CREBL2: variants seen among roughly 807,000 people sequenced by gnomAD.
The protein encoded by CREBL2 is cAMP-responsive element-binding protein-like 2.
Under a neutral mutation model 19.5 loss-of-function variants are expected in CREBL2, and 4 were observed. The observed-to-expected ratio is 0.20, with a 90% CI of 0.10 to 0.47. The LOEUF is 0.47. Ranked by LOEUF, CREBL2 falls within the 20% of genes least tolerant of loss-of-function variation. The probability of loss-of-function intolerance (pLI) is 0.98; values close to 1 mark genes in which losing one functional copy is unlikely to be tolerated. For missense variants in CREBL2, 85 were observed against 145.1 expected (o/e 0.59, Z 2.13); for synonymous variants, 42 against 46.6 (o/e 0.90, Z 0.40).
intron 1 of CREBL2, among the ~76,000 whole-genome samples, chr12:12,631,768 A>G (rs1355748590): frequency 2.0e-5 from 3 of 152,208 alleles, no homozygotes; most frequent in Non-Finnish European, 4.4e-5. Flanking sequence ...GTACTAACCT[A>G]CATTTGTGTA....
chr12:12,631,211 C>G (rs1199647408), intron 1 of CREBL2, among the ~76,000 whole-genome samples: 1 of 152,188 alleles, frequency 6.6e-6, no homozygotes, highest in African/African-American at 2.4e-5. Context: ...GAAAGAAGCT[C>G]TCTGTGAAGG....
chr12:12,622,896 G>A (rs1945370968), intron 1 of CREBL2, among the ~76,000 whole-genome samples: 1 of 152,162 alleles, frequency 6.6e-6, no homozygotes, highest in Non-Finnish European at 1.5e-5. Flanking sequence ...AAGCCCTCCT[G>A]TTTTCCTTTT....
At chr12:12,635,244 C>T (rs1018320537) in intron 1 of CREBL2, among the ~76,000 whole-genome samples, 16 of 151,898 alleles carry the variant, frequency 1.1e-4, no homozygotes, top group African/African-American at 3.6e-4. Flanking sequence ...TGGCTCATGC[C>T]TATAGTTACA....
At chr12:12,641,253 A>ATTTTTTTTTTTTTTTTTTTTTTTTTT (rs142404101) in intron 3 of CREBL2, among the ~76,000 whole-genome samples, 3 of 78,258 alleles carry the variant, frequency 3.8e-5, no homozygotes, top group South Asian at 4.6e-4. Context: ...TATTATTATT[A>ATTTTTTTTTTTTTTTTTTTTTTTTTT]TTTTTTTTTA....
intron 1 of CREBL2, among the ~76,000 whole-genome samples, chr12:12,624,394 C>T (rs1269878632): frequency 6.6e-6 from 1 of 152,186 alleles, no homozygotes; most frequent in Non-Finnish European, 1.5e-5. Flanking sequence ...TTGTAACAAC[C>T]TGTGAGTAGT....
intron 1 of CREBL2, among the ~76,000 whole-genome samples, chr12:12,633,387 A>G (rs1397764742): frequency 1.3e-5 from 2 of 152,148 alleles, no homozygotes; most frequent in African/African-American, 2.4e-5. Flanking sequence ...GTGAGCTGAG[A>G]TCGCGCCATT....
At chr12:12,614,852 C>A in intron 1 of CREBL2, 1 of 281,626 alleles carries the variant, frequency 3.6e-6, no homozygotes, top group Non-Finnish European at 6.9e-6. Context: ...ATTTGTAGGG[C>A]ATTAGTTTTT....
At chr12:12,637,461 A>T in intron 2 of CREBL2, 109 bp from the exon 3 acceptor site, 1 of 642,516 alleles carries the variant, frequency 1.6e-6, no homozygotes, top group Non-Finnish European at 2.1e-6. Flanking sequence ...TAGCCATGGG[A>T]GTTCCTATGT....
chr12:12,624,326 T>A (rs1190006020), intron 1 of CREBL2, among the ~76,000 whole-genome samples: 3 of 152,146 alleles, frequency 2.0e-5, no homozygotes. Context: ...GCAAAATGAA[T>A]TGACTAGGGA....
intron 1 of CREBL2, 141 bp downstream of exon 1, chr12:12,612,328 C>A: frequency 1.4e-6 from 2 of 1,463,234 alleles, no homozygotes; most frequent in Non-Finnish European, 9.3e-7. Context: ...GTCCACTGCC[C>A]GATGGTACCC....
At chr12:12,634,120 G>T (rs139524655) in intron 1 of CREBL2, among the ~76,000 whole-genome samples, 1 of 152,062 alleles carries the variant, frequency 6.6e-6, no homozygotes, top group East Asian at 1.9e-4. Context: ...ATAAAAACAG[G>T]CTCCAATACT....
chr12:12,626,092 T>G (rs1012607902), intron 1 of CREBL2, among the ~76,000 whole-genome samples: 5 of 152,230 alleles, frequency 3.3e-5, no homozygotes, highest in African/African-American at 1.2e-4. Flanking sequence ...CGAATTTATG[T>G]TTTTATTCTG....
intron 1 of CREBL2, among the ~76,000 whole-genome samples, chr12:12,612,640 T>C (rs1945277331): frequency 1.3e-5 from 2 of 152,108 alleles, no homozygotes; most frequent in Non-Finnish European, 2.9e-5. Context: ...CTCTGAGCTA[T>C]TTCCTGTGGT....
rs1474516792 is a variant in CREBL2 at position 12,643,104 on chromosome 12, G to A, written c.*1106G>A. 1 of 152,640 alleles carries A rather than the reference G, an allele frequency of 6.6e-6. No individual in the cohort carries two copies. The highest frequency in any genetic ancestry group is 1.5e-5 in the Non-Finnish European group (1 of 68,052). 9.5% of individuals were successfully genotyped at this position (152,640 alleles called of 1,614,324 possible). A position where few individuals can be genotyped will look rare whatever the true frequency, so the allele number is the denominator to read the frequency against. ...AGGCTCTGAGCCAGAAACACACTGT[G>A]GGCGTGCATCTGGTTCAGCCCTGGA... On this transcript the variant is annotated 3_prime_UTR_variant, in exon 4 of 4. Coordinates refer to ENST00000228865, the MANE Select transcript of CREBL2 (RefSeq NM_001310.4).
intron 1 of CREBL2, among the ~76,000 whole-genome samples, chr12:12,632,905 A>T (rs976167692): frequency 1.0e-4 from 15 of 150,192 alleles, no homozygotes; most frequent in Non-Finnish European, 3.0e-5. Context: ...TTATATATAT[A>T]TATAAATTTT....
rs200274326 is a variant in CREBL2, at chr12:12,641,971, C to T, written c.359-23C>T. On this transcript the variant is annotated intron_variant, in intron 3 of 3. Coordinates refer to ENST00000228865, the MANE Select transcript of CREBL2 (RefSeq NM_001310.4). ...TTTATTGACTCTAAAAACATTCTTA[C>T]ATTGGTAACTTTTATTTTTCAGGGT... The T allele has an allele frequency of 9.1e-4, 1,386 of 1,521,730 alleles. 3 individuals are homozygous for T. Among genetic ancestry groups the T allele is most frequent in the South Asian group, 1.2e-3 (103 of 86,002 alleles). 94.3% of individuals were successfully genotyped at this position (1,521,730 alleles called of 1,614,324 possible).
At chr12:12,626,910 A>G (rs1212898353) in intron 1 of CREBL2, among the ~76,000 whole-genome samples, 1 of 151,950 alleles carries the variant, frequency 6.6e-6, no homozygotes, top group Non-Finnish European at 1.5e-5. Context: ...AGAAAAATAA[A>G]TAAACAAGCT....
At chr12:12,623,129 T>C (rs1198350843) in intron 1 of CREBL2, among the ~76,000 whole-genome samples, 5 of 151,706 alleles carry the variant, frequency 3.3e-5, no homozygotes, top group African/African-American at 9.7e-5. Flanking sequence ...TAACAACTTC[T>C]TTAAAGTTGT....
chr12:12,641,845 C>A, intron 3 of CREBL2, 149 bp from the exon 4 acceptor site: 4 of 444,798 alleles, frequency 9.0e-6, no homozygotes, highest in South Asian at 4.7e-5. Context: ...GGAAAAAAGC[C>A]AAATCAGCTT....
Sources: gnomAD v4.1 joint callset for allele counts (sites outside exome capture counted in the v4.1 genomes callset) on GRCh38, gnomAD v4.1.1 for gene constraint, MANE v1.5 for transcripts, NCBI Gene and HGNC (gene_info 2026-07-23, HGNC 2026-07-21) for gene names.